Variants in ADGRG5 observed in about 807,000 individuals in gnomAD.
The protein encoded by ADGRG5 is adhesion G protein-coupled receptor G5.
ADGRG5 carries 37 observed loss-of-function variants against 53.2 expected under a neutral mutation model. That is an observed-to-expected ratio of 0.70 (90% CI 0.53 to 0.91). ADGRG5 has a LOEUF of 0.91. ADGRG5 is among the 40% of genes least tolerant of loss of function. The pLI is 0.00. For missense variants in ADGRG5, 614 were observed against 675.8 expected, an observed-to-expected ratio of 0.91 and a Z score of 1.01; for synonymous variants, 277 against 290.4, an observed-to-expected ratio of 0.95 and a Z score of 0.47.
intron 4 of ADGRG5, 127 bp from the exon 5 acceptor site, chr16:57,563,721 T>TG: frequency 8.2e-7 from 1 of 1,216,138 alleles, no homozygotes; most frequent in Non-Finnish European, 1.2e-6. Context: ...AGATGCAGCC[T>TG]GGGGGGAGAA....
intron 1 of ADGRG5, among the ~76,000 whole-genome samples, chr16:57,556,931 A>G (rs1278191098): frequency 5.7e-5 from 3 of 52,292 alleles, no homozygotes; most frequent in African/African-American, 5.2e-4. Context: ...TTTTTTTGAG[A>G]CAGGGTCTTG....
chr16:57,562,943 CCA>C lies in ADGRG5; in HGVS notation c.141-147_141-146del, dbSNP rs2033038097. The C allele has an allele frequency of 5.6e-6, 4 of 710,090 alleles. No homozygotes were observed. In the East Asian group the frequency reaches 1.1e-4, roughly 19 times the overall value. The allele number at this position is 710,090 out of a possible 1,614,324, so 44.0% of individuals were successfully genotyped here. ...GATGGGGTAGGGAGGTAACAGTGTG[CCA>C]AGGACACTGTGTGTGCAGTGGTCTG... On this transcript the variant is annotated intron_variant, in intron 3 of 11. Transcript: ENST00000349457.
At chr16:57,548,176 CT>C (rs57571395) in intron 1 of ADGRG5, among the ~76,000 whole-genome samples, 420 of 141,654 alleles carry the variant, frequency 3.0e-3, no homozygotes, top group African/African-American at 4.1e-3. Context: ...CTATACACAT[CT>C]TTTTTTTTTT....
chr16:57,571,886 C>T (rs1489589052), intron 10 of ADGRG5, among the ~76,000 whole-genome samples: 1 of 151,826 alleles, frequency 6.6e-6, no homozygotes, highest in African/African-American at 2.4e-5. Flanking sequence ...TCAGGTGATC[C>T]GTCTGCCTTG....
At position 57,554,598 on chromosome 16, in the gene ADGRG5, A is replaced by T. The variant is rs151076323; in HGVS notation, c.-38-7458A>T. Among the ~76,000 whole-genome samples, 27 of 152,128 alleles carry T rather than the reference A, an allele frequency of 1.8e-4. No individual in the cohort carries two copies. In the East Asian group the frequency reaches 3.7e-3, roughly 21 times the overall value. On this transcript the variant is annotated intron_variant, in intron 1 of 11. Transcript: ENST00000349457. ...TCACCGTGTTAGCCAGGATGGTCTC[A>T]ATCTCCTGACTTTGTGATCCGCCCA...
intron 1 of ADGRG5, among the ~76,000 whole-genome samples, chr16:57,544,466 A>G (rs1358410226): frequency 6.6e-6 from 1 of 152,240 alleles, no homozygotes; most frequent in Non-Finnish European, 1.5e-5. Flanking sequence ...CACAGCTTCT[A>G]TCTGGAGTGC....
At chr16:57,562,701 A>G in intron 3 of ADGRG5, 1 of 557,808 alleles carries the variant, frequency 1.8e-6, no homozygotes, top group Non-Finnish European at 3.2e-6. Flanking sequence ...ATGGGTCTCC[A>G]TGCATTTTCC....
chr16:57,541,627 G>C (rs2146740096), upstream of ADGRG5, among the ~76,000 whole-genome samples: 1 of 152,344 alleles, frequency 6.6e-6, no homozygotes, highest in South Asian at 2.1e-4. Context: ...AGAGCGGGGA[G>C]ACCATGTTAG....
At position 57,551,128 on chromosome 16, in the gene ADGRG5, T is replaced by G. The variant is rs530176243; in HGVS notation, c.-39+8427T>G. The stretch of plus-strand genomic sequence containing the variant: ...GTACATACCTTAGTTAAAGGACACT[T>G]TATTGCTAAAAAGTACTAGCAATCT... On this transcript the variant is annotated intron_variant, in intron 1 of 11. Transcript: ENST00000349457. 1.8e-3 allele frequency among the ~76,000 whole-genome samples: 281 copies of G among 152,352 alleles called. 1 individual carries two copies. The highest frequency in any genetic ancestry group is 3.4e-3 in the Non-Finnish European group (230 of 68,030).
intron 1 of ADGRG5, among the ~76,000 whole-genome samples, chr16:57,554,415 T>C (rs1011475014): frequency 2.8e-4 from 42 of 152,086 alleles, no homozygotes; most frequent in Admixed American, 2.0e-3. Flanking sequence ...CTTGCTCTGT[T>C]GCCCAGGTTG....
chr16:57,547,271 C>CA (rs1418682107), intron 1 of ADGRG5, among the ~76,000 whole-genome samples: 1 of 152,130 alleles, frequency 6.6e-6, no homozygotes, highest in African/African-American at 2.4e-5. Flanking sequence ...CCTCTCCCCT[C>CA]AAAAAAGCAT....
intron 7 of ADGRG5, 118 bp from the exon 8 acceptor site, chr16:57,567,352 T>C: frequency 1.7e-6 from 2 of 1,165,916 alleles, no homozygotes; most frequent in Non-Finnish European, 2.4e-6. Flanking sequence ...GCCAGGTCCA[T>C]GGCTAGGCTT....
chr16:57,552,517 G>A (rs553004717), intron 1 of ADGRG5, among the ~76,000 whole-genome samples: 7 of 152,244 alleles, frequency 4.6e-5, no homozygotes, highest in Middle Eastern at 3.4e-3. Context: ...TAGCTTCCAC[G>A]TTTTTTCAGC....
rs1316118251 is a variant in ADGRG5 at position 57,567,910 on chromosome 16, G to T, written c.876G>T (p.Leu292=). Residue 292 remains leucine (L), a synonymous_variant, in exon 9 of 12, where the codon CTG becomes CTT. Transcript: ENST00000349457. ...RIHMNLHASV[L]LLNIAFLLSP... is the part of the protein sequence containing the mutation. Reference sequence around the variant, plus strand: ...ACATGAACCTGCATGCCTCCGTGCTGCTCCTGAACATCGCCTTCCTGCTGA... The same window carrying T: ...ACATGAACCTGCATGCCTCCGTGCTTCTCCTGAACATCGCCTTCCTGCTGA... 6.2e-7 allele frequency: 1 copy of T among 1,613,366 alleles called. No homozygotes were observed. The highest frequency in any genetic ancestry group is 8.5e-7 in the Non-Finnish European group (1 of 1,179,902).
At chr16:57,536,919 C>T in the ADGRG5 span, among the ~76,000 whole-genome samples, 4 of 152,166 alleles carry the variant, frequency 2.6e-5, no homozygotes, top group East Asian at 7.7e-4. Context: ...GGTCCCAGCT[C>T]GGCACGTGGA....
chr16:57,573,838 C>G (rs187365214), intron 10 of ADGRG5, among the ~76,000 whole-genome samples: 1 of 152,184 alleles, frequency 6.6e-6, no homozygotes, highest in African/African-American at 2.4e-5. Flanking sequence ...TCTCCTGCCT[C>G]AGCCTCCCGA....
intron 10 of ADGRG5, among the ~76,000 whole-genome samples, chr16:57,571,111 A>G (rs1361715376): frequency 5.3e-5 from 8 of 151,818 alleles, no homozygotes; most frequent in Admixed American, 2.6e-4. Context: ...TTATTATGCA[A>G]CATTTCTAAT....
intron 2 of ADGRG5, 89 bp from the exon 3 acceptor site, chr16:57,562,295 T>A: frequency 7.1e-7 from 1 of 1,417,088 alleles, no homozygotes; most frequent in African/African-American, 1.4e-5. Context: ...GCTTGTGAAC[T>A]AGACTCTCAG....
Position 57,575,425 on chromosome 16 carries a change from C to T in ADGRG5, c.1487-13C>T, listed in dbSNP as rs2033489258. The stretch of plus-strand genomic sequence containing the variant: ...CCATGCTGCCCCGTGGAACTCCCGC[C>T]TTTCTCTTGCAGGTTTCTTCCTTTT... On this transcript the variant is annotated splice_polypyrimidine_tract_variant and intron_variant, in intron 11 of 11. Transcript: ENST00000349457. The T allele has an allele frequency of 6.2e-7, 1 of 1,613,480 alleles. No individual in the cohort carries two copies. Among genetic ancestry groups the T allele is most frequent in the East Asian group, 2.2e-5 (1 of 44,886 alleles).
Sources: gnomAD v4.1 joint callset for allele counts (sites outside exome capture counted in the v4.1 genomes callset) on GRCh38, gnomAD v4.1.1 for gene constraint, MANE v1.5 for transcripts, NCBI Gene and HGNC (gene_info 2026-07-23, HGNC 2026-07-21) for gene names.